NBPF26: variants seen among roughly 807,000 people sequenced by gnomAD.
The protein encoded by NBPF26 is NBPF member 26.
A neutral mutation model predicts 119.6 loss-of-function variants in NBPF26; 79 were observed. That is an observed-to-expected ratio of 0.66 (90% confidence interval 0.55 to 0.80). The LOEUF (loss-of-function observed/expected upper bound fraction) is 0.80, where lower values mean the gene tolerates loss of function less well. Ranked by LOEUF, NBPF26 falls within the 30% of genes least tolerant of loss-of-function variation. The pLI is 0.00. For missense variants in NBPF26, 800 were observed against 1,198.2 expected (o/e 0.67, Z 4.91); for synonymous variants, 299 against 457.7 (o/e 0.65, Z 4.43).
At position 120,727,518 on chromosome 1, in the gene NBPF26, A is replaced by C. The variant is rs1318467248; in HGVS notation, c.73+3268A>C. 3.8e-5 allele frequency among the ~76,000 whole-genome samples: 4 copies of C among 106,586 alleles called. No individual in the cohort carries two copies. The East Asian group carries it at 9.0e-4, about 24-fold the overall frequency. The allele number at this position is 106,586 out of a possible 152,430, so 69.9% of individuals were successfully genotyped here. ...GCTTCATATATTTAGATGATATAAT[A>C]AATTCTCCACCTCTCCTTTTCCCTT... On this transcript the variant is annotated intron_variant, in intron 1 of 29. Coordinates refer to ENST00000620612, the Ensembl canonical transcript of NBPF26.
At position 120,815,294 on chromosome 1, in the gene NBPF26, G is replaced by C. The variant is rs1651983754; in HGVS notation, c.2092+251G>C. 2.6e-5 allele frequency among the ~76,000 whole-genome samples: 3 copies of C among 116,902 alleles called. 1 individual carries two copies. Among genetic ancestry groups the C allele is most frequent in the Admixed American group, 1.6e-4 (2 of 12,300 alleles). 76.7% of individuals were successfully genotyped at this position (116,902 alleles called of 152,430 possible). On this transcript the variant is annotated intron_variant, in intron 12 of 29. Coordinates refer to ENST00000620612, the Ensembl canonical transcript of NBPF26. ...TGGAGCAAGAGGCAGCATCTATCTAGTTTTAAAGGACAGGAAGGAGGCTGG... is the reference window on the plus strand; with the variant it reads ...TGGAGCAAGAGGCAGCATCTATCTACTTTTAAAGGACAGGAAGGAGGCTGG...
intron 1 of NBPF26, among the ~76,000 whole-genome samples, chr1:120,752,519 A>ATAT (rs1651027767): frequency 1.4e-4 from 2 of 14,664 alleles, no homozygotes; most frequent in African/African-American, 9.3e-4. Context: ...GAAGTTCAGG[A>ATAT]ATATATATAT....
At chr1:120,730,488 G>A (rs1353853152) in intron 1 of NBPF26, among the ~76,000 whole-genome samples, 1 of 77,110 alleles carries the variant, frequency 1.3e-5, no homozygotes, top group Non-Finnish European at 2.2e-5. Flanking sequence ...ATAGGAAGAA[G>A]GAAGTGGCTT....
At chr1:120,733,109 A>C (rs1463708075) in intron 1 of NBPF26, among the ~76,000 whole-genome samples, 2 of 86,114 alleles carry the variant, frequency 2.3e-5, no homozygotes, top group Non-Finnish European at 2.0e-5. Flanking sequence ...CTGTTGATTT[A>C]TTTTTATATA....
At chr1:120,810,061 C>T (rs1378137092) in intron 8 of NBPF26, among the ~76,000 whole-genome samples, 178 bp downstream of exon 8, 162 of 131,878 alleles carry the variant, frequency 1.2e-3, no homozygotes, top group African/African-American at 5.5e-3. Flanking sequence ...CTATGTGTGC[C>T]AAGTGTCATG....
intron 1 of NBPF26, among the ~76,000 whole-genome samples, chr1:120,734,219 C>T (rs1262659113): frequency 3.7e-4 from 3 of 8,092 alleles, no homozygotes; most frequent in Non-Finnish European, 5.9e-4. Context: ...ATGCTGAAGC[C>T]CTGCAGGTCT....
intron 4 of NBPF26, among the ~76,000 whole-genome samples, chr1:120,804,813 A>C (rs1651640328): frequency 8.4e-6 from 1 of 118,386 alleles, no homozygotes; most frequent in Admixed American, 8.1e-5. Flanking sequence ...GGGATGCAGC[A>C]GCAAGAATAC....
intron 3 of NBPF26, among the ~76,000 whole-genome samples, chr1:120,792,724 A>T (rs1651506274): frequency 1.0e-5 from 1 of 98,308 alleles, no homozygotes; most frequent in Non-Finnish European, 1.9e-5. Context: ...CTGGTCTTGA[A>T]CTCCTTACCT....
rs1437826944 is a variant in NBPF26 at position 120,811,799 on chromosome 1, C to A, written c.1565-87C>A. The A allele has an allele frequency of 1.2e-4, 85 of 684,464 alleles. 16 individuals carry two copies. The East Asian group carries it at 2.1e-3, about 17-fold the overall frequency. 42.4% of individuals were successfully genotyped at this position (684,464 alleles called of 1,614,324 possible). ...AACATCTTCAAATAAGTAAACAAGG[C>A]TACCAGTGACATCCCTCAGTCCTGA... On this transcript the variant is annotated intron_variant, in intron 9 of 29. Coordinates refer to ENST00000620612, the Ensembl canonical transcript of NBPF26.
intron 1 of NBPF26, among the ~76,000 whole-genome samples, chr1:120,730,469 C>G (rs1650863434): frequency 3.2e-5 from 2 of 61,546 alleles, no homozygotes; most frequent in South Asian, 4.3e-4. Flanking sequence ...CTTGATAATA[C>G]TGTCCTTGAT....
Position 120,801,853 on chromosome 1 carries a change from G to C in NBPF26, c.752-3703G>C, listed in dbSNP as rs1346420234. Among the ~76,000 whole-genome samples, 4 of 60,716 alleles carry C rather than the reference G, an allele frequency of 6.6e-5. 1 individual carries two copies. The highest frequency in any genetic ancestry group is 2.2e-4 in the African/African-American group (2 of 9,286). The allele number at this position is 60,716 out of a possible 152,430, so 39.8% of individuals were successfully genotyped here. A position where few individuals can be genotyped will look rare whatever the true frequency, so the allele number is the denominator to read the frequency against. On this transcript the variant is annotated intron_variant, in intron 4 of 29. Coordinates refer to ENST00000620612, the Ensembl canonical transcript of NBPF26. ...AAAAAAAAAAAAAAAAAAAAAAAAG[G>C]CATCTCACTTTAATAGTAAGAGGCC...
chr1:120,802,277 G>C (rs1436359321), intron 4 of NBPF26, among the ~76,000 whole-genome samples: 3 of 126,178 alleles, frequency 2.4e-5, no homozygotes, highest in Admixed American at 2.3e-4. Context: ...CGATGAACTT[G>C]AATTTGCACT....
intron 1 of NBPF26, among the ~76,000 whole-genome samples, chr1:120,745,178 A>C (rs1264853199): frequency 9.1e-6 from 1 of 109,490 alleles, no homozygotes; most frequent in African/African-American, 5.5e-5. Flanking sequence ...GTCTAATTGC[A>C]AAGCCACATT....
Position 120,785,090 on chromosome 1 carries a change from G to A in NBPF26, c.272G>A (p.Arg91Gln), listed in dbSNP as rs1280141953. The stretch of plus-strand genomic sequence containing the variant: ...GCCATGCTGGGGAAAGCCACGTGCC[G>A]GTGTGCCTCAGGGTTTACAGGAGAG... Residue 91 changes from arginine to glutamine, a missense_variant, in exon 3 of 30, where the codon CGG (arginine) becomes CAG (glutamine). Around this residue, in one of 13 missense-constraint regions of NBPF26, gnomAD observed 209 missense variants for 285.2 expected, o/e 0.73. Coordinates refer to ENST00000620612, the Ensembl canonical transcript of NBPF26. The A allele has an allele frequency of 1.0e-4, 146 of 1,446,058 alleles. 31 individuals are homozygous for A. Among genetic ancestry groups the A allele is most frequent in the Admixed American group, 2.7e-4 (14 of 51,444 alleles). 89.6% of individuals were successfully genotyped at this position (1,446,058 alleles called of 1,614,324 possible).
In NBPF26 at chr1:120,840,464, C is replaced by T; in HGVS notation, c.4218C>T (p.Tyr1406=). ...AACTACCTGACTCATTCCAGCACTA[C>T]AGAAGTGTGTTTTACTCATTTGAGG... Residue 1406 remains tyrosine (Y), a synonymous_variant, in exon 30 of 30, where the codon TAC becomes TAT. Transcript: ENST00000620612. The T allele has an allele frequency of 1.6e-5, 23 of 1,478,746 alleles. 5 individuals carry two copies. The highest frequency in any genetic ancestry group is 2.0e-5 in the Non-Finnish European group (22 of 1,092,366). The allele number at this position is 1,478,746 out of a possible 1,614,324, so 91.6% of individuals were successfully genotyped here.
rs1243983502 is a variant in NBPF26 at position 120,819,519 on chromosome 1, G to A, written c.2423+1345G>A. Among the ~76,000 whole-genome samples the A allele has an allele frequency of 1.7e-4, 17 of 102,374 alleles. 3 individuals are homozygous for A. The South Asian group carries it at 2.0e-3, about 12-fold the overall frequency. The allele number at this position is 102,374 out of a possible 152,430, so 67.2% of individuals were successfully genotyped here. On this transcript the variant is annotated intron_variant, in intron 15 of 29. Coordinates refer to ENST00000620612, the Ensembl canonical transcript of NBPF26. ...TGTTATGTGTGAATTTGATCCTGTC[G>A]TTATGATGTTAGCTGGTTATTTCGC...
chr1:120,782,107 G>T, intron 2 of NBPF26, among the ~76,000 whole-genome samples: 2 of 103,942 alleles, frequency 1.9e-5, no homozygotes, highest in Middle Eastern at 7.8e-3. Flanking sequence ...CCACTAAAAA[G>T]GTGAAGAAGC....
chr1:120,785,094 T>A lies in NBPF26; in HGVS notation c.276T>A (p.Cys92Ter). The change falls in exon 3 of 30, where the codon TGT becomes TGA. Residue 92 changes from cysteine (C) to a stop codon, truncating the protein, a stop_gained. Coordinates refer to ENST00000620612, the Ensembl canonical transcript of NBPF26. LOFTEE classifies it high-confidence loss of function. ...TGCTGGGGAAAGCCACGTGCCGGTG[T>A]GCCTCAGGGTTTACAGGAGAGGACT... 6.9e-7 allele frequency: 1 copy of A among 1,446,358 alleles called. No homozygotes were observed. The highest frequency in any genetic ancestry group is 9.2e-7 in the Non-Finnish European group (1 of 1,082,356). The allele number at this position is 1,446,358 out of a possible 1,614,324, so 89.6% of individuals were successfully genotyped here.
rs1262120615 is a variant in NBPF26 at position 120,814,658 on chromosome 1, T to A, written c.1878-171T>A. On this transcript the variant is annotated intron_variant, in intron 11 of 29. Coordinates refer to ENST00000620612, the Ensembl canonical transcript of NBPF26. ...AGCCCTCTCTGATTCAGAGGAAGCC[T>A]GTAAACCATTTTCTATTCTTTCTCT... Among the ~76,000 whole-genome samples, 3 of 123,646 alleles carry A rather than the reference T, an allele frequency of 2.4e-5. 1 individual carries two copies. The highest frequency in any genetic ancestry group is 1.1e-4 in the African/African-American group (3 of 26,334). The allele number at this position is 123,646 out of a possible 152,430, so 81.1% of individuals were successfully genotyped here.
Sources: allele counts gnomAD v4.1 joint callset (sites outside exome capture counted in the v4.1 genomes callset), GRCh38; gene constraint gnomAD v4.1.1; regional missense constraint gnomAD v4.1.1; transcripts MANE v1.5; gene names NCBI Gene and HGNC (gene_info 2026-07-23, HGNC 2026-07-21).